The following CNTN4 variants were observed in gnomAD, a reference collection of about 807,000 sequenced individuals.
The protein encoded by CNTN4 is contactin-4.
Under a neutral mutation model 122.5 loss-of-function variants are expected in CNTN4, and 77 were observed. The observed-to-expected ratio is 0.63, with a 90% CI of 0.52 to 0.76. The LOEUF is 0.76. CNTN4 is among the 30% of genes least tolerant of loss of function. CNTN4 has a pLI of 0.00. For synonymous variants in CNTN4, 512 were observed against 447.0 expected (o/e 1.15, Z -1.83); for missense variants, 1,256 against 1,259.1 (o/e 1.00, Z 0.04).
intron 7 of CNTN4, among the ~76,000 whole-genome samples, chr3:2,843,279 A>G (rs1456596362): frequency 6.6e-6 from 1 of 152,012 alleles, no homozygotes; most frequent in Non-Finnish European, 1.5e-5. Context: ...CCACCATTCA[A>G]TCTGTTTGCA....
chr3:2,964,809 C>T (rs1488614281), intron 13 of CNTN4, among the ~76,000 whole-genome samples: 1 of 152,246 alleles, frequency 6.6e-6, no homozygotes, highest in Middle Eastern at 3.4e-3. Flanking sequence ...AAACTGACAC[C>T]TTTAATTGAA....
chr3:2,985,251 G>A (rs1265726570), intron 13 of CNTN4: 1 of 152,376 alleles, frequency 6.6e-6, no homozygotes, highest in Non-Finnish European at 1.5e-5. Flanking sequence ...TGATCTTCTA[G>A]TAAATGTTTA....
intron 3 of CNTN4, among the ~76,000 whole-genome samples, chr3:2,391,430 GAGAA>G (rs1481556295): frequency 6.6e-6 from 1 of 152,272 alleles, no homozygotes; most frequent in Non-Finnish European, 1.5e-5. Context: ...GAGAAACCCA[GAGAA>G]AGATGGAAAA....
rs191099977 is a variant in CNTN4, at chr3:2,471,885, A to G, written c.-88-99531A>G. Among the ~76,000 whole-genome samples, 5 of 152,314 alleles carry G rather than the reference A, an allele frequency of 3.3e-5. No homozygotes were observed. In the East Asian group the frequency reaches 9.7e-4, roughly 29 times the overall value. On this transcript the variant is annotated intron_variant, in intron 3 of 24. Transcript: ENST00000418658. Reference sequence around the variant, plus strand: ...TTTTCGTCAAAGCTGTATACAATACACATTGTAAAACCTAGATAAAATGCT... The same window carrying G: ...TTTTCGTCAAAGCTGTATACAATACGCATTGTAAAACCTAGATAAAATGCT...
At position 2,600,594 on chromosome 3, in the gene CNTN4, G is replaced by C. The variant is rs528820823; in HGVS notation, c.55+29036G>C. Among the ~76,000 whole-genome samples the C allele has an allele frequency of 1.4e-4, 21 of 152,224 alleles. No individual in the cohort carries two copies. In the East Asian group the frequency reaches 2.5e-3, roughly 18 times the overall value. Reference sequence around the variant, plus strand: ...ATGTGCCACATTTTCTTAATCCAGTGTATCATTGATGGACATTTGGGTTGA... The same window carrying C: ...ATGTGCCACATTTTCTTAATCCAGTCTATCATTGATGGACATTTGGGTTGA... On this transcript the variant is annotated intron_variant, in intron 4 of 24. Coordinates refer to ENST00000418658, the MANE Select transcript of CNTN4 (RefSeq NM_175607.3).
chr3:2,689,142 C>A (rs2085590847), intron 4 of CNTN4, among the ~76,000 whole-genome samples: 1 of 152,166 alleles, frequency 6.6e-6, no homozygotes, highest in African/African-American at 2.4e-5. Flanking sequence ...AACCTCCATC[C>A]AGTTCTTGCC....
chr3:2,369,540 A>G (rs1357640620), intron 3 of CNTN4, among the ~76,000 whole-genome samples: 1 of 152,170 alleles, frequency 6.6e-6, no homozygotes, highest in Non-Finnish European at 1.5e-5. Flanking sequence ...GTTGCCAGAA[A>G]TCACAAATGT....
At chr3:2,537,078 T>C (rs983710004) in intron 3 of CNTN4, among the ~76,000 whole-genome samples, 4 of 152,142 alleles carry the variant, frequency 2.6e-5, no homozygotes, top group Admixed American at 1.3e-4. Flanking sequence ...TACTGCAGTA[T>C]ACGAAAAGAT....
intron 2 of CNTN4, among the ~76,000 whole-genome samples, chr3:2,294,908 G>A (rs11917202): frequency 0.32 from 49,126 of 151,426 alleles, 8,672 homozygotes; most frequent in East Asian, 0.57. Context: ...ATTCCCACCT[G>A]TGAGTGAGAA....
chr3:2,510,122 C>T (rs552707880), intron 3 of CNTN4, among the ~76,000 whole-genome samples: 10 of 152,104 alleles, frequency 6.6e-5, no homozygotes, highest in African/African-American at 2.4e-4. Flanking sequence ...ATCACTGGCC[C>T]CTAAAGGTAA....
chr3:2,631,481 C>G (rs2082426508), intron 4 of CNTN4, among the ~76,000 whole-genome samples: 1 of 152,076 alleles, frequency 6.6e-6, no homozygotes, highest in Admixed American at 6.6e-5. Context: ...ACAAGACCCA[C>G]CAGTCATCCC....
At chr3:2,727,509 T>C (rs866594360) in intron 4 of CNTN4, among the ~76,000 whole-genome samples, 1 of 152,218 alleles carries the variant, frequency 6.6e-6, no homozygotes, top group East Asian at 1.9e-4. Flanking sequence ...GTTCCTGGAA[T>C]GTGTCAAGGT....
chr3:2,953,751 G>A (rs151030759), intron 13 of CNTN4, among the ~76,000 whole-genome samples: 203 of 152,266 alleles, frequency 1.3e-3, no homozygotes, highest in African/African-American at 4.7e-3. Flanking sequence ...TTCCCCCTTA[G>A]TGAAAGGAGA....
chr3:2,708,397 A>T (rs925473271), intron 4 of CNTN4, among the ~76,000 whole-genome samples: 6 of 152,200 alleles, frequency 3.9e-5, no homozygotes, highest in Non-Finnish European at 8.8e-5. Context: ...GATTATAATT[A>T]TCTGGAAAGA....
chr3:2,734,620 T>C (rs1307252676), intron 4 of CNTN4, among the ~76,000 whole-genome samples: 1 of 151,204 alleles, frequency 6.6e-6, no homozygotes, highest in African/African-American at 2.4e-5. Flanking sequence ...TCTTAACTTT[T>C]CTTCTATTTC....
At chr3:2,411,622 C>G (rs1347816100) in intron 3 of CNTN4, among the ~76,000 whole-genome samples, 1 of 152,076 alleles carries the variant, frequency 6.6e-6, no homozygotes, top group Non-Finnish European at 1.5e-5. Context: ...ATGGACTAAT[C>G]GCTTCCCTGC....
intron 6 of CNTN4, among the ~76,000 whole-genome samples, chr3:2,812,936 C>T (rs765040648): frequency 1.3e-5 from 2 of 152,200 alleles, no homozygotes; most frequent in African/African-American, 4.8e-5. Flanking sequence ...AACCATCAGG[C>T]AGTTCTTCCT....
At chr3:2,968,905 A>G (rs1418204698) in intron 13 of CNTN4, among the ~76,000 whole-genome samples, 4 of 151,856 alleles carry the variant, frequency 2.6e-5, no homozygotes, top group Non-Finnish European at 5.9e-5. Flanking sequence ...ATTCATCACC[A>G]CTCTTCAGGT....
chr3:2,242,463 G>T (rs1381585740), intron 2 of CNTN4, among the ~76,000 whole-genome samples: 1 of 151,986 alleles, frequency 6.6e-6, no homozygotes, highest in African/African-American at 2.4e-5. Flanking sequence ...CCATTTCAGG[G>T]GTACATATGC....
Sources: gnomAD v4.1 joint callset for allele counts (sites outside exome capture counted in the v4.1 genomes callset) on GRCh38, gnomAD v4.1.1 for gene constraint, MANE v1.5 for transcripts, NCBI Gene and HGNC (gene_info 2026-07-23, HGNC 2026-07-21) for gene names.